SOCS5: variants seen among roughly 807,000 people sequenced by gnomAD.
The protein encoded by SOCS5 is CIS-6.
A neutral mutation model predicts 42.8 loss-of-function variants in SOCS5; 32 were observed. The ratio of observed to expected loss-of-function variants is 0.75; its 90% confidence interval spans 0.56 to 1.01. The LOEUF is 1.01. SOCS5 is among the 50% of genes least tolerant of loss of function. SOCS5 has a pLI of 0.00. For missense variants in SOCS5, 627 were observed against 653.0 expected, an observed-to-expected ratio of 0.96 and a Z score of 0.43; for synonymous variants, 283 against 229.6, an observed-to-expected ratio of 1.23 and a Z score of -2.10.
At chr2:46,737,972 T>C (rs189843169) in intron 1 of SOCS5, among the ~76,000 whole-genome samples, 35 of 152,312 alleles carry the variant, frequency 2.3e-4, no homozygotes, top group African/African-American at 8.2e-4. Flanking sequence ...AGAGATAAAA[T>C]TGATATGCTT....
intron 1 of SOCS5, among the ~76,000 whole-genome samples, chr2:46,706,449 C>A (rs1672465116): frequency 6.6e-6 from 1 of 152,166 alleles, no homozygotes; most frequent in Non-Finnish European, 1.5e-5. Context: ...CATTTTACCA[C>A]AAGGATGGTA....
At chr2:46,752,270 G>A (rs1027542353) in intron 1 of SOCS5, among the ~76,000 whole-genome samples, 3 of 151,686 alleles carry the variant, frequency 2.0e-5, no homozygotes, top group African/African-American at 7.3e-5. Flanking sequence ...TGTGAACTGC[G>A]CACAGGGGAT....
chr2:46,702,799 G>T (rs1044660809), intron 1 of SOCS5, among the ~76,000 whole-genome samples: 1 of 152,098 alleles, frequency 6.6e-6, no homozygotes, highest in African/African-American at 2.4e-5. Flanking sequence ...TGTTTTTGAC[G>T]GTGACAGTTT....
At chr2:46,710,938 A>T (rs1412875822) in intron 1 of SOCS5, among the ~76,000 whole-genome samples, 1 of 152,186 alleles carries the variant, frequency 6.6e-6, no homozygotes. Context: ...GGAGTCATGC[A>T]GTATGTACTC....
At chr2:46,728,476 A>T (rs1050217019) in intron 1 of SOCS5, among the ~76,000 whole-genome samples, 7 of 152,140 alleles carry the variant, frequency 4.6e-5, no homozygotes, top group African/African-American at 1.7e-4. Flanking sequence ...TTCTCCAATA[A>T]TTTTCCTCAT....
rs147422558 is a variant in SOCS5, at chr2:46,735,738, G to T, written c.-12-22781G>T. On this transcript the variant is annotated intron_variant, in intron 1 of 1. Coordinates refer to ENST00000394861, the MANE Select transcript of SOCS5 (RefSeq NM_144949.3). Reference sequence around the variant, plus strand: ...CAAAAATATCAGACATAAGCAGATGGCAGTATTTAAATACCCATGTGTACA... The same window carrying T: ...CAAAAATATCAGACATAAGCAGATGTCAGTATTTAAATACCCATGTGTACA... Among the ~76,000 whole-genome samples, 283 of 152,036 alleles carry T rather than the reference G, an allele frequency of 1.9e-3. No individual in the cohort carries two copies. In the South Asian group the frequency reaches 0.019, roughly 10 times the overall value.
chr2:46,761,563 G>A lies in SOCS5; in HGVS notation c.*1422G>A, dbSNP rs1249363903. ...TGTATGTTTCTGCTTGCTGTGCCTT[G>A]TTATGGCTGCTTTTTTTGTGCTAAT... On this transcript the variant is annotated 3_prime_UTR_variant, in exon 2 of 2. Coordinates refer to ENST00000394861, the MANE Select transcript of SOCS5 (RefSeq NM_144949.3). The A allele has an allele frequency of 6.0e-6, 1 of 166,966 alleles. No individual in the cohort carries two copies. The highest frequency in any genetic ancestry group is 1.9e-4 in the East Asian group (1 of 5,206). 10.3% of individuals were successfully genotyped at this position (166,966 alleles called of 1,614,324 possible).
In SOCS5 at chr2:46,760,172, G is replaced by T. The variant is rs1354677732; in HGVS notation, c.*31G>T. ...CCGGTCCCCAAAGGTTGTTAACTAG[G>T]TCCGCTTTCATGTGCATCAGACAGT... On this transcript the variant is annotated 3_prime_UTR_variant, in exon 2 of 2. Coordinates refer to ENST00000394861, the MANE Select transcript of SOCS5 (RefSeq NM_144949.3). 1 of 1,548,146 alleles carries T rather than the reference G, an allele frequency of 6.5e-7. No homozygotes were observed. The highest frequency in any genetic ancestry group is 8.8e-7 in the Non-Finnish European group (1 of 1,132,752).
intron 1 of SOCS5, among the ~76,000 whole-genome samples, chr2:46,727,008 A>G (rs1435842101): frequency 6.6e-6 from 1 of 151,968 alleles, no homozygotes; most frequent in Non-Finnish European, 1.5e-5. Flanking sequence ...CGCCCACCTC[A>G]GCCTCCCAAA....
chr2:46,733,789 G>C (rs1021155052), intron 1 of SOCS5, among the ~76,000 whole-genome samples: 2 of 152,076 alleles, frequency 1.3e-5, no homozygotes, highest in Non-Finnish European at 2.9e-5. Flanking sequence ...CAAGTGTTTT[G>C]GTGCCTGTTA....
intron 1 of SOCS5, among the ~76,000 whole-genome samples, chr2:46,744,189 C>T (rs1572844003): frequency 6.6e-6 from 1 of 151,984 alleles, no homozygotes; most frequent in African/African-American, 2.4e-5. Flanking sequence ...GGGGTTTCAC[C>T]GTGTTGGTCA....
intron 1 of SOCS5, among the ~76,000 whole-genome samples, chr2:46,726,828 C>T (rs1471885458): frequency 6.6e-6 from 1 of 151,456 alleles, no homozygotes; most frequent in Non-Finnish European, 1.5e-5. Flanking sequence ...GCGATCTTGG[C>T]TCACTGTAAC....
chr2:46,759,889 G>A lies in SOCS5; in HGVS notation c.1359G>A (p.Thr453=). ...DPCVFHSSTV[T]GLLEHYKDPS... The stretch of plus-strand genomic sequence containing the variant: ...GTGTATTTCACTCCTCCACTGTAAC[G>A]GGACTTTTAGAACATTATAAAGATC... The change falls in exon 2 of 2, where the codon ACG becomes ACA. Residue 453 remains threonine (T), a synonymous_variant. Coordinates refer to ENST00000394861, the MANE Select transcript of SOCS5 (RefSeq NM_144949.3). 6.2e-7 allele frequency: 1 copy of A among 1,614,068 alleles called. No individual in the cohort carries two copies. The highest frequency in any genetic ancestry group is 2.2e-5 in the East Asian group (1 of 44,878).
At chr2:46,735,398 C>G (rs1025696158) in intron 1 of SOCS5, among the ~76,000 whole-genome samples, 3 of 152,190 alleles carry the variant, frequency 2.0e-5, no homozygotes, top group African/African-American at 7.2e-5. Context: ...GGTTGCATCT[C>G]ATTGGCCAGA....
chr2:46,706,165 T>C (rs1672459155), intron 1 of SOCS5, among the ~76,000 whole-genome samples: 2 of 152,178 alleles, frequency 1.3e-5, no homozygotes, highest in South Asian at 4.1e-4. Context: ...GGCTAAGTGA[T>C]TTATTATGAC....
intron 1 of SOCS5, among the ~76,000 whole-genome samples, chr2:46,736,802 T>C (rs1673263046): frequency 6.6e-6 from 1 of 152,146 alleles, no homozygotes; most frequent in Non-Finnish European, 1.5e-5. Context: ...TGGTATCCCT[T>C]ACCTGAAATG....
chr2:46,756,994 C>T (rs1397049964), intron 1 of SOCS5, among the ~76,000 whole-genome samples: 1 of 152,068 alleles, frequency 6.6e-6, no homozygotes, highest in East Asian at 1.9e-4. Context: ...TAATATATAC[C>T]AACTACTGTA....
intron 1 of SOCS5, among the ~76,000 whole-genome samples, chr2:46,716,167 CTA>C (rs1360306082): frequency 2.8e-5 from 4 of 145,430 alleles, no homozygotes; most frequent in African/African-American, 1.0e-4. Flanking sequence ...TTCCACTTCT[CTA>C]TGAGGTATTT....
At chr2:46,735,381 T>A (rs1250646774) in intron 1 of SOCS5, among the ~76,000 whole-genome samples, 5 of 152,130 alleles carry the variant, frequency 3.3e-5, no homozygotes, top group African/African-American at 9.7e-5. Context: ...TCCCACACCA[T>A]GTATCTGGTT....
Sources: gnomAD v4.1 joint callset for allele counts (sites outside exome capture counted in the v4.1 genomes callset) on GRCh38, gnomAD v4.1.1 for gene constraint, MANE v1.5 for transcripts, NCBI Gene and HGNC (gene_info 2026-07-23, HGNC 2026-07-21) for gene names.